Variants in KCNH1 observed in about 807,000 individuals in gnomAD.
The protein encoded by KCNH1 is voltage-gated delayed rectifier potassium channel KCNH1.
KCNH1 carries 27 observed loss-of-function variants against 69.2 expected under a neutral mutation model. The ratio of observed to expected loss-of-function variants is 0.39; its 90% CI spans 0.29 to 0.54. KCNH1 has a LOEUF of 0.54. KCNH1 is among the 20% of genes least tolerant of loss of function. The probability of loss-of-function intolerance (pLI) is 0.68; values close to 1 mark genes in which losing one functional copy is unlikely to be tolerated. For missense variants in KCNH1, 798 were observed against 1,261.6 expected, an observed-to-expected ratio of 0.63 and a Z score of 5.57; for synonymous variants, 456 against 487.7, an observed-to-expected ratio of 0.93 and a Z score of 0.86.
chr1:210,693,827 G>A (rs1278176176), intron 10 of KCNH1, among the ~76,000 whole-genome samples: 1 of 152,158 alleles, frequency 6.6e-6, no homozygotes, highest in Non-Finnish European at 1.5e-5. Context: ...GCAGCCTTGT[G>A]GGTATCCCTG....
chr1:211,052,907 G>A (rs1052611158), intron 5 of KCNH1, among the ~76,000 whole-genome samples: 3 of 152,184 alleles, frequency 2.0e-5, no homozygotes, highest in Admixed American at 6.5e-5. Context: ...TGGCCATCTC[G>A]CTCCTCATGC....
intron 10 of KCNH1, among the ~76,000 whole-genome samples, chr1:210,712,014 C>T (rs1002266641): frequency 6.6e-6 from 1 of 152,146 alleles, no homozygotes; most frequent in Non-Finnish European, 1.5e-5. Flanking sequence ...ACATCGGCCA[C>T]CAGGTGGAAT....
At chr1:210,754,743 A>G (rs1222831220) in intron 10 of KCNH1, among the ~76,000 whole-genome samples, 2 of 152,158 alleles carry the variant, frequency 1.3e-5, no homozygotes, top group Non-Finnish European at 2.9e-5. Flanking sequence ...TATGGCCTGC[A>G]GAACCATGAG....
At chr1:210,860,873 C>A in intron 7 of KCNH1, 1 of 917,450 alleles carries the variant, frequency 1.1e-6, no homozygotes, top group Non-Finnish European at 1.8e-6. Flanking sequence ...CTCATGTAGC[C>A]TAGTTCACTG....
chr1:210,943,898 C>T (rs1336294879), intron 6 of KCNH1, among the ~76,000 whole-genome samples: 1 of 152,196 alleles, frequency 6.6e-6, no homozygotes, highest in East Asian at 1.9e-4. Flanking sequence ...GTGTACATTC[C>T]ATGGGGACTC....
intron 7 of KCNH1, among the ~76,000 whole-genome samples, chr1:210,889,661 A>G (rs928368492): frequency 2.0e-5 from 3 of 152,188 alleles, no homozygotes; most frequent in Admixed American, 2.0e-4. Flanking sequence ...AAACCCCATC[A>G]TCTCAGCCCA....
intron 7 of KCNH1, chr1:210,858,728 G>C: frequency 6.3e-6 from 1 of 158,884 alleles, no homozygotes; most frequent in Non-Finnish European, 1.4e-5. Flanking sequence ...GACAGAAATT[G>C]GACAAATTCT....
intron 5 of KCNH1, among the ~76,000 whole-genome samples, chr1:211,046,317 G>C (rs2102436476): frequency 6.6e-6 from 1 of 152,190 alleles, no homozygotes; most frequent in South Asian, 2.1e-4. Flanking sequence ...TTATGTTCTA[G>C]GTTCATATTC....
At chr1:210,959,009 T>C (rs532091628) in intron 6 of KCNH1, among the ~76,000 whole-genome samples, 1 of 152,366 alleles carries the variant, frequency 6.6e-6, no homozygotes, top group East Asian at 1.9e-4. Flanking sequence ...TTTTAGAATT[T>C]TCAGCTTTTC....
intron 6 of KCNH1, among the ~76,000 whole-genome samples, chr1:210,986,766 A>T (rs1688844207): frequency 6.6e-6 from 1 of 152,000 alleles, no homozygotes; most frequent in African/African-American, 2.4e-5. Flanking sequence ...TGTGTCTTGG[A>T]GTTGCTCTTC....
intron 5 of KCNH1, among the ~76,000 whole-genome samples, chr1:211,067,147 A>C (rs1253451447): frequency 6.6e-6 from 1 of 152,188 alleles, no homozygotes; most frequent in Non-Finnish European, 1.5e-5. Context: ...TCCCGCATGG[A>C]AGCCACACAG....
chr1:210,739,100 A>G (rs1001866188), intron 10 of KCNH1, among the ~76,000 whole-genome samples: 4 of 152,198 alleles, frequency 2.6e-5, no homozygotes, highest in Admixed American at 2.0e-4. Context: ...TTGTCTTTCT[A>G]CTGATATTCT....
chr1:210,914,510 G>A (rs529629153), intron 7 of KCNH1, among the ~76,000 whole-genome samples: 1 of 152,232 alleles, frequency 6.6e-6, no homozygotes, highest in South Asian at 2.1e-4. Context: ...AAAAGATACT[G>A]CTGGGCTGCA....
At chr1:210,900,236 C>T (rs1686966157) in intron 7 of KCNH1, among the ~76,000 whole-genome samples, 1 of 152,200 alleles carries the variant, frequency 6.6e-6, no homozygotes, top group Non-Finnish European at 1.5e-5. Context: ...TTGCTCAGAG[C>T]CATCCCCATT....
chr1:211,096,433 C>A (rs531862234), intron 3 of KCNH1, among the ~76,000 whole-genome samples: 34 of 152,162 alleles, frequency 2.2e-4, no homozygotes, highest in Non-Finnish European at 3.7e-4. Context: ...TGCCCAACCT[C>A]ATTTCACATG....
At position 211,061,657 on chromosome 1, in the gene KCNH1, G is replaced by A. The variant is rs1425788799; in HGVS notation, c.558+21123C>T. Among the ~76,000 whole-genome samples, 4 of 151,930 alleles carry A rather than the reference G, an allele frequency of 2.6e-5. No homozygotes were observed. The East Asian group carries it at 5.8e-4, about 22-fold the overall frequency. On this transcript the variant is annotated intron_variant, in intron 5 of 10. Coordinates refer to ENST00000271751, the MANE Select transcript of KCNH1 (RefSeq NM_172362.3). ...AAAATCAACATACAAAAAACCAGTA[G>A]CATTTTATATACCAAGAGCAAACAA...
chr1:210,778,159 T>C (rs998729597), intron 9 of KCNH1, among the ~76,000 whole-genome samples: 12 of 152,162 alleles, frequency 7.9e-5, no homozygotes, highest in African/African-American at 2.9e-4. Flanking sequence ...CCCCAGTCAA[T>C]GCCTGACTGC....
At chr1:210,987,720 C>T (rs1688867856) in intron 6 of KCNH1, among the ~76,000 whole-genome samples, 1 of 152,234 alleles carries the variant, frequency 6.6e-6, no homozygotes, top group Non-Finnish European at 1.5e-5. Flanking sequence ...AGTTAGGCTA[C>T]TCGGGGGTCA....
intron 6 of KCNH1, among the ~76,000 whole-genome samples, chr1:210,962,727 C>A (rs913342639): frequency 1.3e-5 from 2 of 151,616 alleles, no homozygotes; most frequent in Non-Finnish European, 2.9e-5. Context: ...CTTGAACATG[C>A]CCCTGATGCA....
Sources: allele counts gnomAD v4.1 joint callset (sites outside exome capture counted in the v4.1 genomes callset), GRCh38; gene constraint gnomAD v4.1.1; transcripts MANE v1.5; gene names NCBI Gene and HGNC (gene_info 2026-07-23, HGNC 2026-07-21).